MAGI2: variants seen among roughly 807,000 people sequenced by gnomAD.
MAGI2 encodes the protein membrane-associated guanylate kinase, WW and PDZ domain-containing protein 2.
MAGI2 carries 35 observed loss-of-function variants against 133.3 expected under a neutral mutation model. That is an observed-to-expected ratio of 0.26 (90% CI 0.20 to 0.35). The LOEUF is 0.35. Among genes scored for constraint, MAGI2 ranks in the 10% least tolerant of loss-of-function variants. The pLI is 1.00. For missense variants in MAGI2, 1,636 were observed against 1,863.4 expected (o/e 0.88, Z 2.25); for synonymous variants, 729 against 710.6 (o/e 1.03, Z -0.41).
At chr7:78,172,543 C>T (rs1369330491) in intron 14 of MAGI2, among the ~76,000 whole-genome samples, 1 of 152,190 alleles carries the variant, frequency 6.6e-6, no homozygotes, top group South Asian at 2.1e-4. Flanking sequence ...CTTTCTATTT[C>T]TATTGTTATT....
At chr7:78,696,505 C>T (rs988883786) in intron 2 of MAGI2, among the ~76,000 whole-genome samples, 3 of 151,996 alleles carry the variant, frequency 2.0e-5, no homozygotes, top group African/African-American at 7.2e-5. Context: ...TTGGTATGTG[C>T]CACAATTGCT....
At chr7:79,257,826 C>T (rs530054279) in intron 1 of MAGI2, among the ~76,000 whole-genome samples, 4 of 152,098 alleles carry the variant, frequency 2.6e-5, no homozygotes, top group Non-Finnish European at 5.9e-5. Context: ...AAATAAGAGA[C>T]ACACAGTTAT....
At chr7:78,413,137 A>G (rs1248281086) in intron 6 of MAGI2, among the ~76,000 whole-genome samples, 2 of 152,062 alleles carry the variant, frequency 1.3e-5, no homozygotes, top group African/African-American at 4.8e-5. Context: ...TAGTTCCCTC[A>G]CCCGTAAAAT....
chr7:78,793,091 T>C (rs571666899), intron 2 of MAGI2, among the ~76,000 whole-genome samples: 1 of 152,224 alleles, frequency 6.6e-6, no homozygotes, highest in Non-Finnish European at 1.5e-5. Flanking sequence ...GAGGCAGTTT[T>C]AAGAGTTGGT....
intron 1 of MAGI2, among the ~76,000 whole-genome samples, chr7:79,290,111 A>T (rs1227860176): frequency 6.6e-6 from 1 of 151,996 alleles, no homozygotes; most frequent in East Asian, 1.9e-4. Context: ...TACATATTGC[A>T]TACTTGAAAA....
rs1848600871 is a variant in MAGI2 at position 79,443,134 on chromosome 7, T to G, written c.301+9886A>C. Among the ~76,000 whole-genome samples the G allele has an allele frequency of 2.0e-5, 3 of 151,824 alleles. 1 individual carries two copies. The South Asian group carries it at 6.3e-4, about 32-fold the overall frequency. Reference sequence around the variant, plus strand: ...TAAAAATACAAAAATTAGCCGGGTGTGATGGTGGGTGCCTGTAGACCCAGC... The same window carrying G: ...TAAAAATACAAAAATTAGCCGGGTGGGATGGTGGGTGCCTGTAGACCCAGC... On this transcript the variant is annotated intron_variant, in intron 1 of 21. Transcript: ENST00000354212.
chr7:78,160,154 A>T lies in MAGI2; in HGVS notation c.2716T>A (p.Ser906Thr). ...SNHAAPSSNA[S>T]PPEGFASHSL... Reference sequence around the variant, plus strand: ...TGGGAGGCGAAGCCTTCAGGGGGAGAGGCATTGCTACTGGGGGCAGCGTGG... The same window carrying T: ...TGGGAGGCGAAGCCTTCAGGGGGAGTGGCATTGCTACTGGGGGCAGCGTGG... Residue 906 changes from serine to threonine, a missense_variant, in exon 16 of 22, where the codon TCT becomes ACT. By Grantham distance (58) the Ser-to-Thr change is moderately conservative (BLOSUM62 1). Transcript: ENST00000354212. 6.2e-7 allele frequency: 1 copy of T among 1,612,726 alleles called. No individual in the cohort carries two copies. The highest frequency in any genetic ancestry group is 8.5e-7 in the Non-Finnish European group (1 of 1,179,422).
At chr7:78,773,872 C>T (rs12705771) in intron 2 of MAGI2, among the ~76,000 whole-genome samples, 130,820 of 152,200 alleles carry the variant, frequency 0.86, 56,489 homozygotes, top group East Asian at 1. Flanking sequence ...TAGACAATTA[C>T]ATGTTTTACA....
At chr7:78,488,387 G>A (rs1018845092) in intron 6 of MAGI2, among the ~76,000 whole-genome samples, 3 of 151,980 alleles carry the variant, frequency 2.0e-5, no homozygotes, top group African/African-American at 7.2e-5. Context: ...CAACTCAAAG[G>A]TGCAAGACAG....
intron 9 of MAGI2, among the ~76,000 whole-genome samples, chr7:78,258,865 C>A (rs970149378): frequency 1.3e-5 from 2 of 152,110 alleles, no homozygotes; most frequent in Admixed American, 1.3e-4. Context: ...GGAGTTATGA[C>A]AAATCTGTGG....
At chr7:78,769,641 C>T (rs147501106) in intron 2 of MAGI2, among the ~76,000 whole-genome samples, 183 of 152,236 alleles carry the variant, frequency 1.2e-3, no homozygotes, top group African/African-American at 4.2e-3. Flanking sequence ...TCCCTCAGGA[C>T]GAGACAGAGA....
At chr7:78,952,743 T>G (rs1321698394) in intron 2 of MAGI2, among the ~76,000 whole-genome samples, 4 of 152,266 alleles carry the variant, frequency 2.6e-5, no homozygotes, top group African/African-American at 9.6e-5. Flanking sequence ...TAGATGGATT[T>G]AGAAGCTAAA....
intron 2 of MAGI2, among the ~76,000 whole-genome samples, chr7:78,755,652 A>G (rs1056757802): frequency 1.3e-5 from 2 of 152,206 alleles, no homozygotes; most frequent in Non-Finnish European, 2.9e-5. Flanking sequence ...TGACAAAATA[A>G]TTTCAGGCAC....
In MAGI2 at chr7:78,401,084, T is replaced by G. The variant is rs144339731; in HGVS notation, c.1046-31871A>C. ...ATTCCTTTGAAAAAAAAAATAAAAT[T>G]TTCTAACTCTCAAGAGCCTTAGCTT... On this transcript the variant is annotated intron_variant, in intron 6 of 21. Transcript: ENST00000354212. Among the ~76,000 whole-genome samples, 859 of 152,164 alleles carry G rather than the reference T, an allele frequency of 5.6e-3. 8 individuals are homozygous for G. Among genetic ancestry groups the G allele is most frequent in the Non-Finnish European group, 8.0e-3 (543 of 68,006 alleles).
chr7:78,271,334 C>T (rs759507430), intron 9 of MAGI2, among the ~76,000 whole-genome samples: 46 of 152,094 alleles, frequency 3.0e-4, no homozygotes, highest in Non-Finnish European at 4.3e-4. Context: ...AGCTTTTTGA[C>T]GTGCTGCTGG....
At chr7:79,303,945 G>A (rs887900716) in intron 1 of MAGI2, among the ~76,000 whole-genome samples, 1 of 152,122 alleles carries the variant, frequency 6.6e-6, no homozygotes, top group Non-Finnish European at 1.5e-5. Flanking sequence ...GTACATATAT[G>A]TATTTTTGTG....
intron 1 of MAGI2, among the ~76,000 whole-genome samples, chr7:79,022,570 A>T (rs1053418729): frequency 6.6e-6 from 1 of 151,862 alleles, no homozygotes; most frequent in African/African-American, 2.4e-5. Flanking sequence ...CCTACAAAAC[A>T]TAAACCTTCT....
chr7:79,316,172 T>A (rs1838709103), intron 1 of MAGI2, among the ~76,000 whole-genome samples: 1 of 152,140 alleles, frequency 6.6e-6, no homozygotes. Context: ...GTTAGATGGA[T>A]GTCTCCTACT....
intron 2 of MAGI2, among the ~76,000 whole-genome samples, chr7:78,856,283 C>T (rs934040341): frequency 5.9e-5 from 9 of 152,032 alleles, no homozygotes; most frequent in East Asian, 3.9e-4. Context: ...ATTTTGGCTT[C>T]TGTTGCCATT....
Sources: gnomAD v4.1 joint callset for allele counts (sites outside exome capture counted in the v4.1 genomes callset) on GRCh38, gnomAD v4.1.1 for gene constraint, MANE v1.5 for transcripts, NCBI Gene and HGNC (gene_info 2026-07-23, HGNC 2026-07-21) for gene names.